ARSL: variants seen among roughly 807,000 people sequenced by gnomAD.
The protein encoded by ARSL is arylsulfatase E (chondrodysplasia punctata 1).
ARSL carries 4 observed loss-of-function variants against 31.1 expected under a neutral mutation model. The ratio of observed to expected loss-of-function variants is 0.13; its 90% confidence interval spans 0.06 to 0.29. The LOEUF is 0.29. Among genes scored for constraint, ARSL ranks in the 10% least tolerant of loss-of-function variants. The probability of loss-of-function intolerance (pLI) is 1.00; values close to 1 mark genes in which losing one functional copy is unlikely to be tolerated. For synonymous variants in ARSL, 198 were observed against 209.9 expected (o/e 0.94, Z 0.49); for missense variants, 312 against 497.8 (o/e 0.63, Z 3.55).
upstream of ARSL, among the ~76,000 whole-genome samples, chrX:2,966,153 G>T (rs2089697914): frequency 9.0e-6 from 1 of 111,674 alleles, no homozygotes; most frequent in African/African-American, 3.3e-5. Context: ...CTTATGTGGG[G>T]GTGGAAACCA....
upstream of ARSL, among the ~76,000 whole-genome samples, chrX:2,967,818 G>A: frequency 9.0e-6 from 1 of 110,966 alleles, no homozygotes; most frequent in Middle Eastern, 4.6e-3. Flanking sequence ...ACCCAGTTTC[G>A]CTTTTCACCT....
chrX:2,946,281 C>T (rs2089378196), intron 6 of ARSL, 147 bp from the exon 7 acceptor site: 1 of 458,215 alleles, frequency 2.2e-6, no homozygotes, highest in Non-Finnish European at 3.5e-6. Flanking sequence ...ACTCAAAACT[C>T]TTCTTCAACG....
chrX:2,936,917 T>A, intron 9 of ARSL, 54 bp from the exon 10 acceptor site: 1 of 1,203,014 alleles, frequency 8.3e-7, no homozygotes, highest in Non-Finnish European at 1.1e-6. Flanking sequence ...TCTGGACATT[T>A]GTCCCTCCAG....
At chrX:2,962,065 T>C (rs1467426614) in intron 1 of ARSL, among the ~76,000 whole-genome samples, 2 of 109,950 alleles carry the variant, frequency 1.8e-5, no homozygotes, top group African/African-American at 3.3e-5. Context: ...TTTAAATCTA[T>C]GTATAAGCTG....
intron 4 of ARSL, among the ~76,000 whole-genome samples, chrX:2,953,930 A>G (rs2089493405): frequency 9.0e-6 from 1 of 110,592 alleles, no homozygotes; most frequent in Non-Finnish European, 1.9e-5. Flanking sequence ...TATGTTGCCC[A>G]GGCTGGTCTT....
chrX:2,939,813 T>A (rs115750759), intron 8 of ARSL, among the ~76,000 whole-genome samples: 1,166 of 107,033 alleles, frequency 0.011, 22 homozygotes, highest in African/African-American at 0.038. Context: ...TTGGAAACAA[T>A]GGAATACAGG....
chrX:2,957,215 C>T (rs182094042), intron 3 of ARSL, among the ~76,000 whole-genome samples: 3,739 of 99,952 alleles, frequency 0.037, 242 homozygotes, highest in African/African-American at 0.14. Context: ...AGCGAGACTC[C>T]GTCTCAAAAA....
At chrX:2,952,953 G>T in intron 5 of ARSL, 190 bp downstream of exon 5, 1 of 421,216 alleles carries the variant, frequency 2.4e-6, no homozygotes, top group Non-Finnish European at 3.9e-6. Context: ...CACCTTGCCT[G>T]AGCTGGTATT....
chrX:2,935,926 G>A (rs2089194902), intron 10 of ARSL, among the ~76,000 whole-genome samples: 1 of 111,122 alleles, frequency 9.0e-6, no homozygotes, highest in African/African-American at 3.3e-5. Context: ...ACAAAAGGCT[G>A]GGCGTGGTGG....
At chrX:2,957,581 C>T (rs1245551005) in intron 3 of ARSL, among the ~76,000 whole-genome samples, 1 of 108,699 alleles carries the variant, frequency 9.2e-6, no homozygotes, top group East Asian at 2.9e-4. Context: ...TGGTGGCGGG[C>T]GCCTGTAATC....
At chrX:2,941,310 A>G (rs768648062) in intron 8 of ARSL, among the ~76,000 whole-genome samples, 104 of 100,919 alleles carry the variant, frequency 1.0e-3, no homozygotes, top group African/African-American at 3.8e-3. Flanking sequence ...GCTGGAGTAC[A>G]GTGGCACAGT....
At chrX:2,960,097 G>A (rs1392461393) in intron 2 of ARSL, among the ~76,000 whole-genome samples, 24 of 99,033 alleles carry the variant, frequency 2.4e-4, no homozygotes, top group East Asian at 6.2e-4. Flanking sequence ...GTGAAACCCC[G>A]TCTCTACTAA....
chrX:2,960,045 G>A (rs778347480), intron 2 of ARSL, among the ~76,000 whole-genome samples: 6 of 106,429 alleles, frequency 5.6e-5, no homozygotes, highest in Admixed American at 3.0e-4. Flanking sequence ...CGAGGCGGGC[G>A]GATCACGAGG....
At chrX:2,951,327 T>A (rs1411495489) in intron 5 of ARSL, among the ~76,000 whole-genome samples, 3 of 110,927 alleles carry the variant, frequency 2.7e-5, no homozygotes, top group African/African-American at 9.8e-5. Context: ...GGCACACCTT[T>A]CAAATTCAGT....
chrX:2,946,046 G>C lies in ARSL; in HGVS notation c.943C>G (p.Leu315Val), dbSNP rs1407096294. 2.5e-6 allele frequency: 3 copies of C among 1,210,854 alleles called. No individual in the cohort carries two copies. The highest frequency in any genetic ancestry group is 1.8e-5 in the South Asian group (1 of 56,925). The change falls in exon 7 of 11, where the codon CTC becomes GTC. Residue 315 changes from leucine (L) to valine (V), a missense_variant. Transcript: ENST00000381134. ...ACGTTGTCCCCATACAGCCCGTGGAGACTCTTCCCGAGGAAGTTCTCCATA... is the reference window on the plus strand; with the variant it reads ...ACGTTGTCCCCATACAGCCCGTGGACACTCTTCCCGAGGAAGTTCTCCATA... ...ITMENFLGKS[L>V]HGLYGDNVEE...
intron 6 of ARSL, among the ~76,000 whole-genome samples, chrX:2,946,758 C>A (rs963114148): frequency 2.7e-5 from 3 of 110,326 alleles, no homozygotes; most frequent in Non-Finnish European, 5.7e-5. Flanking sequence ...CAACCTCTGC[C>A]TCCCAGGTTC....
At chrX:2,958,115 T>C (rs945046952) in intron 3 of ARSL, among the ~76,000 whole-genome samples, 159 bp downstream of exon 3, 1 of 112,370 alleles carries the variant, frequency 8.9e-6, no homozygotes, top group African/African-American at 3.2e-5. Context: ...AGTGCTGGCA[T>C]GGGAAGAAAG....
At chrX:2,940,242 G>A (rs2089263656) in intron 8 of ARSL, among the ~76,000 whole-genome samples, 1 of 111,508 alleles carries the variant, frequency 9.0e-6, no homozygotes, top group Admixed American at 9.6e-5. Context: ...TTCAGCCATG[G>A]AAAGGAATGA....
chrX:2,961,381 G>A (rs766027941), intron 1 of ARSL, among the ~76,000 whole-genome samples: 4 of 111,299 alleles, frequency 3.6e-5, no homozygotes, highest in East Asian at 2.9e-4. Context: ...GACTGAGGAC[G>A]AAGCTCTGAT....
Sources: allele counts gnomAD v4.1 joint callset (sites outside exome capture counted in the v4.1 genomes callset), GRCh38; gene constraint gnomAD v4.1.1; transcripts MANE v1.5; gene names NCBI Gene and HGNC (gene_info 2026-07-23, HGNC 2026-07-21).